The following C19orf38 variants were observed in gnomAD, a reference collection of about 807,000 sequenced individuals.
C19orf38 encodes the protein chromosome 19 open reading frame 38.
A neutral mutation model predicts 26.6 loss-of-function variants in C19orf38; 14 were observed. The ratio of observed to expected loss-of-function variants is 0.53; its 90% CI spans 0.35 to 0.82. C19orf38 has a LOEUF of 0.82. Ranked by LOEUF, C19orf38 falls within the 40% of genes least tolerant of loss-of-function variation. The pLI, the probability that C19orf38 is intolerant of heterozygous loss-of-function variation, is 0.01. For synonymous variants in C19orf38, 132 were observed against 128.5 expected (o/e 1.03, Z -0.18); for missense variants, 261 against 299.5 (o/e 0.87, Z 0.95).
At chr19:10,859,471 C>T (rs1599668530) in intron 4 of C19orf38, among the ~76,000 whole-genome samples, 1 of 149,024 alleles carries the variant, frequency 6.7e-6, no homozygotes, top group African/African-American at 2.5e-5. Context: ...CAACCTCCGC[C>T]TCCTGGGTTC....
At chr19:10,855,722 G>T (rs1398107325) in intron 2 of C19orf38, among the ~76,000 whole-genome samples, 2 of 152,054 alleles carry the variant, frequency 1.3e-5, no homozygotes, top group African/African-American at 2.4e-5. Context: ...TAGAGACGGG[G>T]TTTCACAGTG....
intron 2 of C19orf38, among the ~76,000 whole-genome samples, chr19:10,855,894 C>A (rs2073620250): frequency 6.6e-6 from 1 of 151,806 alleles, no homozygotes; most frequent in Admixed American, 6.6e-5. Flanking sequence ...GAGCCCCTGG[C>A]CTCAAGTAAT....
chr19:10,840,112 G>A (rs979763067), intron 1 of C19orf38, among the ~76,000 whole-genome samples: 1 of 152,186 alleles, frequency 6.6e-6, no homozygotes, highest in Admixed American at 6.5e-5. Context: ...TAACATGTAT[G>A]TATGTGTATT....
chr19:10,858,851 G>T (rs971974899), intron 4 of C19orf38, among the ~76,000 whole-genome samples: 30 of 151,934 alleles, frequency 2.0e-4, no homozygotes, highest in Non-Finnish European at 3.8e-4. Flanking sequence ...GAGACATCCT[G>T]CTGCCTGGAG....
At chr19:10,857,030 A>G (rs2146262221) in intron 3 of C19orf38, among the ~76,000 whole-genome samples, 1 of 151,704 alleles carries the variant, frequency 6.6e-6, no homozygotes, top group African/African-American at 2.4e-5. Flanking sequence ...TCCTGGGCTC[A>G]AGCAATCCTC....
chr19:10,854,760 C>T (rs987422523), intron 2 of C19orf38, among the ~76,000 whole-genome samples: 2 of 152,168 alleles, frequency 1.3e-5, no homozygotes, highest in Admixed American at 6.5e-5. Flanking sequence ...CAGGGTCTAC[C>T]GTTGGGCTGG....
chr19:10,840,176 A>G (rs1359811628), intron 1 of C19orf38, among the ~76,000 whole-genome samples: 1 of 145,326 alleles, frequency 6.9e-6, no homozygotes, highest in Non-Finnish European at 1.5e-5. Flanking sequence ...GAATTGCTGG[A>G]TCCTATGGTA....
intron 1 of C19orf38, among the ~76,000 whole-genome samples, chr19:10,838,276 G>A (rs1825771243): frequency 6.6e-6 from 1 of 152,126 alleles, no homozygotes; most frequent in Non-Finnish European, 1.5e-5. Context: ...CAGGCGTGGT[G>A]GCGGGTGCCT....
chr19:10,838,514 G>A (rs1165992575), intron 1 of C19orf38, among the ~76,000 whole-genome samples: 4 of 152,104 alleles, frequency 2.6e-5, no homozygotes, highest in African/African-American at 9.7e-5. Flanking sequence ...CATTTTCATC[G>A]GCTCAGTAAA....
intron 6 of C19orf38, among the ~76,000 whole-genome samples, chr19:10,868,516 A>T (rs890448238): frequency 5.9e-5 from 9 of 152,020 alleles, no homozygotes; most frequent in Admixed American, 3.3e-4. Context: ...TTTATTTTTT[A>T]TTTATTTATT....
chr19:10,854,012 C>T (rs1475124888), intron 2 of C19orf38, among the ~76,000 whole-genome samples: 1 of 151,360 alleles, frequency 6.6e-6, no homozygotes, highest in Non-Finnish European at 1.5e-5. Flanking sequence ...ATGATCGCAC[C>T]ACTGCATTCC....
chr19:10,864,030 A>G (rs957208069), intron 6 of C19orf38, among the ~76,000 whole-genome samples: 2 of 152,122 alleles, frequency 1.3e-5, no homozygotes, highest in East Asian at 1.9e-4. Context: ...CTGTGTGACA[A>G]TGGGGAACAA....
intron 1 of C19orf38, among the ~76,000 whole-genome samples, chr19:10,848,805 A>G (rs1187711652): frequency 1.3e-5 from 2 of 151,236 alleles, no homozygotes; most frequent in East Asian, 3.9e-4. Flanking sequence ...ACACCCCATG[A>G]TTCAGCCCCG....
chr19:10,845,672 G>A (rs979131193), upstream of C19orf38, among the ~76,000 whole-genome samples: 4 of 151,956 alleles, frequency 2.6e-5, no homozygotes, highest in African/African-American at 7.3e-5. Flanking sequence ...GAGGTCAGGA[G>A]ATCGAGACCA....
chr19:10,862,254 GAA>G (rs2073706451), intron 5 of C19orf38, among the ~76,000 whole-genome samples: 1 of 147,522 alleles, frequency 6.8e-6, no homozygotes, highest in African/African-American at 2.5e-5. Context: ...ACCCAGACAG[GAA>G]CGCAGTGGCG....
chr19:10,860,840 C>CAAAAA (rs60601259), intron 5 of C19orf38, among the ~76,000 whole-genome samples: 2 of 42,658 alleles, frequency 4.7e-5, no homozygotes, highest in Admixed American at 5.0e-4. Context: ...GACTCCATCT[C>CAAAAA]AAAAAAAAAA....
rs1261513846 is a variant in C19orf38 at position 10,850,440 on chromosome 19, A to G, written c.213A>G (p.Thr71=). ...LQAPTDQRGV[T]FNLSGGSSKA... is the part of the protein sequence containing the mutation. Reference sequence around the variant, plus strand: ...CCCCCACGGACCAGCGCGGGGTGACATTTAACCTGAGCGGCGGCAGCAGCA... The same window carrying G: ...CCCCCACGGACCAGCGCGGGGTGACGTTTAACCTGAGCGGCGGCAGCAGCA... The change falls in exon 2 of 7, where the codon ACA becomes ACG. Residue 71 remains threonine, a synonymous_variant. Transcript: ENST00000397820. The G allele has an allele frequency of 7.1e-6, 11 of 1,551,392 alleles. No individual in the cohort carries two copies. The highest frequency in any genetic ancestry group is 8.7e-6 in the Non-Finnish European group (10 of 1,146,904).
intron 2 of C19orf38, among the ~76,000 whole-genome samples, chr19:10,851,945 G>A (rs1296543463): frequency 2.0e-5 from 3 of 149,454 alleles, no homozygotes; most frequent in Admixed American, 6.7e-5. Flanking sequence ...TCCGCAGTCC[G>A]GCCTGGGCGA....
At chr19:10,842,935 C>G (rs1394865654) in intron 1 of C19orf38, among the ~76,000 whole-genome samples, 2 of 152,186 alleles carry the variant, frequency 1.3e-5, no homozygotes, top group African/African-American at 4.8e-5. Flanking sequence ...TTCTCAAGCT[C>G]TTGTCCTGCA....
Sources: allele counts gnomAD v4.1 joint callset (sites outside exome capture counted in the v4.1 genomes callset), GRCh38; gene constraint gnomAD v4.1.1; transcripts MANE v1.5; gene names NCBI Gene and HGNC (gene_info 2026-07-23, HGNC 2026-07-21).